The following CAMKMT variants were observed in gnomAD, a reference collection of about 807,000 sequenced individuals.
The protein encoded by CAMKMT is calmodulin-lysine N-methyltransferase.
A neutral mutation model predicts 48.0 loss-of-function variants in CAMKMT; 53 were observed. That is an observed-to-expected ratio of 1.10 (90% confidence interval 0.89 to 1.39). The LOEUF (loss-of-function observed/expected upper bound fraction) is 1.39. CAMKMT is among the 40% of genes most tolerant of loss of function. The probability of loss-of-function intolerance (pLI) is 0.00; values close to 1 mark genes in which losing one functional copy is unlikely to be tolerated. For missense variants in CAMKMT, 428 were observed against 402.7 expected, an observed-to-expected ratio of 1.06 and a Z score of -0.54; for synonymous variants, 165 against 152.3, an observed-to-expected ratio of 1.08 and a Z score of -0.61.
chr2:44,552,349 A>G (rs1029994598), intron 3 of CAMKMT, among the ~76,000 whole-genome samples: 1 of 152,192 alleles, frequency 6.6e-6, no homozygotes, highest in South Asian at 2.1e-4. Flanking sequence ...TGGCTTTCTC[A>G]TTAACAAGAC....
intron 3 of CAMKMT, among the ~76,000 whole-genome samples, chr2:44,608,186 C>T (rs1671402551): frequency 6.6e-6 from 1 of 151,040 alleles, no homozygotes; most frequent in South Asian, 2.1e-4. Context: ...CATTCTCCTG[C>T]CTCAGCCTCC....
intron 3 of CAMKMT, among the ~76,000 whole-genome samples, chr2:44,668,186 T>C (rs1013360553): frequency 2.0e-5 from 3 of 152,318 alleles, no homozygotes; most frequent in Non-Finnish European, 2.9e-5. Flanking sequence ...TGATCTTGCA[T>C]TGAGGAAACA....
intron 3 of CAMKMT, among the ~76,000 whole-genome samples, chr2:44,688,795 G>A (rs905023027): frequency 2.6e-5 from 4 of 152,146 alleles, no homozygotes; most frequent in Non-Finnish European, 5.9e-5. Context: ...ATGCTGGGAC[G>A]TGCACCTAAA....
chr2:44,445,772 C>G (rs577037944), intron 3 of CAMKMT, among the ~76,000 whole-genome samples: 1 of 147,796 alleles, frequency 6.8e-6, no homozygotes, highest in Non-Finnish European at 1.5e-5. Context: ...CCTCAGCCCC[C>G]TCCTCTTGTT....
intron 7 of CAMKMT, among the ~76,000 whole-genome samples, chr2:44,728,165 ATCC>A (rs1200827679): frequency 6.6e-6 from 1 of 152,142 alleles, no homozygotes; most frequent in African/African-American, 2.4e-5. Context: ...GACTCAAGAA[ATCC>A]TCCTGCCTCG....
chr2:44,463,991 C>T (rs1470024199), intron 3 of CAMKMT, among the ~76,000 whole-genome samples: 1 of 152,050 alleles, frequency 6.6e-6, no homozygotes, highest in Non-Finnish European at 1.5e-5. Flanking sequence ...TTAACTGACT[C>T]CGAAGAAACA....
At chr2:44,495,748 T>TGTAGTGTAG (rs1299418301) in intron 3 of CAMKMT, among the ~76,000 whole-genome samples, 2 of 152,138 alleles carry the variant, frequency 1.3e-5, no homozygotes, top group Non-Finnish European at 1.5e-5. Context: ...TTAGCAGCTG[T>TGTAGTGTAG]CACAGTGTAG....
chr2:44,678,453 A>G (rs1185118062), intron 3 of CAMKMT, among the ~76,000 whole-genome samples: 1 of 152,088 alleles, frequency 6.6e-6, no homozygotes, highest in East Asian at 1.9e-4. Context: ...CTTGGTACAC[A>G]CTCCAGCTTC....
At chr2:44,535,312 T>C (rs72881133) in intron 3 of CAMKMT, among the ~76,000 whole-genome samples, 13,406 of 152,042 alleles carry the variant, frequency 0.088, 671 homozygotes, top group Admixed American at 0.17. Context: ...TTCTACCAAA[T>C]GTATAAAGAA....
intron 3 of CAMKMT, among the ~76,000 whole-genome samples, chr2:44,539,132 C>G (rs1666950014): frequency 1.3e-5 from 2 of 151,784 alleles, no homozygotes; most frequent in South Asian, 4.2e-4. Context: ...AGTGAAACCC[C>G]ATCTCTACTG....
chr2:44,384,126 G>A (rs191056160), intron 2 of CAMKMT, among the ~76,000 whole-genome samples: 23 of 152,186 alleles, frequency 1.5e-4, no homozygotes, highest in East Asian at 5.8e-4. Flanking sequence ...CAGCATCCAC[G>A]CCAGTATCTA....
intron 3 of CAMKMT, among the ~76,000 whole-genome samples, chr2:44,465,488 C>T (rs551121034): frequency 2.0e-5 from 3 of 149,356 alleles, no homozygotes; most frequent in South Asian, 2.1e-4. Flanking sequence ...CCCAGCTACT[C>T]GGGAGGCTGA....
At chr2:44,750,110 G>A (rs1443556987) in intron 8 of CAMKMT, among the ~76,000 whole-genome samples, 1 of 151,958 alleles carries the variant, frequency 6.6e-6, no homozygotes, top group East Asian at 1.9e-4. Context: ...TGCTGTTATG[G>A]GTTAAGAGGT....
chr2:44,512,671 G>C (rs914152027), intron 3 of CAMKMT, among the ~76,000 whole-genome samples: 2 of 152,210 alleles, frequency 1.3e-5, no homozygotes, highest in African/African-American at 4.8e-5. Context: ...AGGCCAGCTG[G>C]TTAAAGACAA....
intron 3 of CAMKMT, among the ~76,000 whole-genome samples, chr2:44,596,942 T>G (rs1670705577): frequency 6.6e-6 from 1 of 152,348 alleles, no homozygotes; most frequent in African/African-American, 2.4e-5. Flanking sequence ...AAAACGATCT[T>G]TTTATAAGGA....
intron 3 of CAMKMT, among the ~76,000 whole-genome samples, chr2:44,597,204 AT>A (rs1158990006): frequency 6.6e-6 from 1 of 152,204 alleles, no homozygotes; most frequent in Non-Finnish European, 1.5e-5. Flanking sequence ...AAACTGTGAT[AT>A]GACTGCTTTT....
At chr2:44,532,054 G>A (rs1344263569) in intron 3 of CAMKMT, among the ~76,000 whole-genome samples, 2 of 152,096 alleles carry the variant, frequency 1.3e-5, no homozygotes, top group Admixed American at 1.3e-4. Context: ...ATAGACCTCT[G>A]TACAGAATGT....
At chr2:44,584,080 T>A (rs1057217847) in intron 3 of CAMKMT, among the ~76,000 whole-genome samples, 4 of 152,222 alleles carry the variant, frequency 2.6e-5, no homozygotes, top group African/African-American at 9.6e-5. Context: ...GGCTCCTGGA[T>A]TGTTTTTCGA....
chr2:44,434,188 C>G (rs1460144021), intron 3 of CAMKMT, among the ~76,000 whole-genome samples: 1 of 151,046 alleles, frequency 6.6e-6, no homozygotes, highest in South Asian at 2.1e-4. Context: ...GAAAAGAAAC[C>G]AAGTATTCAA....
Sources: gnomAD v4.1 joint callset for allele counts (sites outside exome capture counted in the v4.1 genomes callset) on GRCh38, gnomAD v4.1.1 for gene constraint, MANE v1.5 for transcripts, NCBI Gene and HGNC (gene_info 2026-07-23, HGNC 2026-07-21) for gene names.